Variants in STK33 observed in about 807,000 individuals in gnomAD.
The protein encoded by STK33 is serine/threonine-protein kinase 33.
Under a neutral mutation model 58.0 loss-of-function variants are expected in STK33, and 52 were observed. The observed-to-expected ratio is 0.90, with a 90% CI of 0.72 to 1.13. The LOEUF (loss-of-function observed/expected upper bound fraction) is 1.13. STK33 is among the 50% of genes most tolerant of loss of function. The probability of loss-of-function intolerance (pLI) is 0.00; values close to 1 mark genes in which losing one functional copy is unlikely to be tolerated. For synonymous variants in STK33, 215 were observed against 200.1 expected (o/e 1.07, Z -0.63); for missense variants, 630 against 604.2 (o/e 1.04, Z -0.45).
At chr11:8,448,128 A>G (rs935723795) in intron 11 of STK33, among the ~76,000 whole-genome samples, 1 of 152,202 alleles carries the variant, frequency 6.6e-6, no homozygotes, top group African/African-American at 2.4e-5. Flanking sequence ...TCAATGAAAT[A>G]AAAGAGGATA....
intron 12 of STK33, among the ~76,000 whole-genome samples, chr11:8,440,184 A>G (rs1944563655): frequency 6.6e-6 from 1 of 152,100 alleles, no homozygotes; most frequent in Non-Finnish European, 1.5e-5. Context: ...AGAATGACTG[A>G]AAGCTCCAGC....
At chr11:8,555,654 G>C (rs1421773504) in intron 1 of STK33, among the ~76,000 whole-genome samples, 1 of 151,754 alleles carries the variant, frequency 6.6e-6, no homozygotes, top group Non-Finnish European at 1.5e-5. Flanking sequence ...GACAGAGCGA[G>C]ACTCCATCTT....
intron 1 of STK33, among the ~76,000 whole-genome samples, chr11:8,514,119 TCTAA>T (rs1459985329): frequency 6.6e-6 from 1 of 152,234 alleles, no homozygotes; most frequent in Non-Finnish European, 1.5e-5. Flanking sequence ...GATTTCAGGT[TCTAA>T]CTATGTTGTT....
intron 11 of STK33, among the ~76,000 whole-genome samples, chr11:8,446,320 A>G (rs1188548058): frequency 6.6e-6 from 1 of 152,118 alleles, no homozygotes; most frequent in East Asian, 1.9e-4. Context: ...ATCTTTTCAA[A>G]AAACCAGCTC....
At chr11:8,337,874 T>C in the STK33 span, among the ~76,000 whole-genome samples, 14 of 152,006 alleles carry the variant, frequency 9.2e-5, no homozygotes, top group Admixed American at 7.9e-4. Context: ...CACCTTCCAG[T>C]CTCCACCCAA....
chr11:8,515,510 G>A (rs1199124287), intron 1 of STK33, among the ~76,000 whole-genome samples: 1 of 152,080 alleles, frequency 6.6e-6, no homozygotes, highest in African/African-American at 2.4e-5. Flanking sequence ...CGATACCAAA[G>A]CCAGATAAAG....
At chr11:8,373,381 C>T in the STK33 span, among the ~76,000 whole-genome samples, 3 of 152,024 alleles carry the variant, frequency 2.0e-5, no homozygotes, top group African/African-American at 7.2e-5. Context: ...AGAACGCTGC[C>T]CAGATGATTT....
chr11:8,370,213 A>G, the STK33 span, among the ~76,000 whole-genome samples: 1 of 149,196 alleles, frequency 6.7e-6, no homozygotes, highest in Admixed American at 6.6e-5. Context: ...TTTTTTTTTT[A>G]AAGAAGTGGT....
intron 6 of STK33, among the ~76,000 whole-genome samples, chr11:8,470,313 C>T (rs1948653913): frequency 6.6e-6 from 1 of 152,058 alleles, no homozygotes; most frequent in South Asian, 2.1e-4. Context: ...CCAATCTGTG[C>T]TAGCTTCAAG....
chr11:8,405,817 C>T lies in STK33; in HGVS notation c.1344+7678G>A, dbSNP rs1164471547. On this transcript the variant is annotated intron_variant, in intron 15 of 15. Coordinates refer to ENST00000687296, the MANE Select transcript of STK33 (RefSeq NM_001352389.2). ...ATTTATTAAAAAGACTATCATTTAC[C>T]CCTTCGAATTGCTTTGAAATCTCTG... 2.0e-5 allele frequency among the ~76,000 whole-genome samples: 3 copies of T among 152,018 alleles called. No individual in the cohort carries two copies. The South Asian group carries it at 6.2e-4, about 32-fold the overall frequency.
rs1394275396 is a variant in STK33 at position 8,518,585 on chromosome 11, T to G, written c.-465-37971A>C. Among the ~76,000 whole-genome samples, 4 of 152,184 alleles carry G rather than the reference T, an allele frequency of 2.6e-5. No homozygotes were observed. The South Asian group carries it at 8.3e-4, about 31-fold the overall frequency. On this transcript the variant is annotated intron_variant, in intron 1 of 15. Transcript: ENST00000687296. Reference sequence around the variant, plus strand: ...GTCAAGATCCATCAGTGTGCTGTATTCAGGAGACCCATCTCACATGCAGAG... The same window carrying G: ...GTCAAGATCCATCAGTGTGCTGTATGCAGGAGACCCATCTCACATGCAGAG...
At chr11:8,341,949 C>T in the STK33 span, among the ~76,000 whole-genome samples, 16 of 152,146 alleles carry the variant, frequency 1.1e-4, no homozygotes, top group Non-Finnish European at 1.3e-4. Flanking sequence ...GGATTTGCAG[C>T]GTGAGAAAGT....
intron 1 of STK33, among the ~76,000 whole-genome samples, chr11:8,543,184 A>T (rs989868883): frequency 6.6e-6 from 1 of 152,208 alleles, no homozygotes; most frequent in African/African-American, 2.4e-5. Context: ...GCCCTATGAT[A>T]TGGTTTTCCA....
intron 1 of STK33, among the ~76,000 whole-genome samples, chr11:8,534,131 C>T (rs1382225826): frequency 6.6e-6 from 1 of 151,982 alleles, no homozygotes; most frequent in Non-Finnish European, 1.5e-5. Context: ...AAAAATTAGC[C>T]GGGCGTGGTG....
At chr11:8,527,616 C>G (rs1954164887) in intron 1 of STK33, among the ~76,000 whole-genome samples, 1 of 152,074 alleles carries the variant, frequency 6.6e-6, no homozygotes, top group African/African-American at 2.4e-5. Flanking sequence ...CTGTGCTTTT[C>G]TGAGGGTTTA....
intron 11 of STK33, among the ~76,000 whole-genome samples, chr11:8,442,344 A>G (rs1269942476): frequency 6.6e-6 from 1 of 152,222 alleles, no homozygotes; most frequent in East Asian, 1.9e-4. Flanking sequence ...TGACAAGGGC[A>G]AATTCTGTGA....
intron 11 of STK33, 98 bp from the exon 12 acceptor site, chr11:8,440,851 T>G (rs984863576): frequency 8.1e-7 from 1 of 1,230,084 alleles, no homozygotes; most frequent in Non-Finnish European, 1.1e-6. Flanking sequence ...GTGCTGTAAT[T>G]TATTCCCCCA....
intron 15 of STK33, among the ~76,000 whole-genome samples, chr11:8,393,911 T>C (rs1848921261): frequency 6.6e-6 from 1 of 152,196 alleles, no homozygotes; most frequent in Admixed American, 6.5e-5. Context: ...AAAATCCACC[T>C]GATGTTTGCT....
At chr11:8,373,889 G>A in the STK33 span, among the ~76,000 whole-genome samples, 3 of 152,210 alleles carry the variant, frequency 2.0e-5, no homozygotes, top group Admixed American at 2.0e-4. Flanking sequence ...GGGCCCAGAG[G>A]CCCCTCCTGC....
Sources: gnomAD v4.1 joint callset for allele counts (sites outside exome capture counted in the v4.1 genomes callset) on GRCh38, gnomAD v4.1.1 for gene constraint, MANE v1.5 for transcripts, NCBI Gene and HGNC (gene_info 2026-07-23, HGNC 2026-07-21) for gene names.